Variants in CDYL observed in about 807,000 individuals in gnomAD.
CDYL encodes chromodomain Y-like protein.
A neutral mutation model predicts 47.3 loss-of-function variants in CDYL; 8 were observed. The ratio of observed to expected loss-of-function variants is 0.17; its 90% CI spans 0.10 to 0.31. The LOEUF is 0.31. Among genes scored for constraint, CDYL ranks in the 10% least tolerant of loss-of-function variants. The pLI is 1.00. For missense variants in CDYL, 471 were observed against 701.4 expected (o/e 0.67, Z 3.71); for synonymous variants, 266 against 265.0 (o/e 1.00, Z -0.04).
chr6:4,890,742 T>C (rs1447232356), intron 1 of CDYL, among the ~76,000 whole-genome samples: 2 of 152,224 alleles, frequency 1.3e-5, no homozygotes, highest in African/African-American at 4.8e-5. Context: ...TCTTAATAAT[T>C]GATAGGTGCA....
At chr6:4,852,359 C>T (rs1446138004) in intron 1 of CDYL, among the ~76,000 whole-genome samples, 2 of 148,624 alleles carry the variant, frequency 1.3e-5, no homozygotes, top group African/African-American at 5.1e-5. Context: ...TCCAATCTTC[C>T]TTCCTTCCTT....
Position 4,892,043 on chromosome 6 carries a change from T to G in CDYL, c.355T>G (p.Phe119Val). 6.2e-7 allele frequency: 1 copy of G among 1,614,000 alleles called. No homozygotes were observed. The highest frequency in any genetic ancestry group is 8.5e-7 in the Non-Finnish European group (1 of 1,179,982). Residue 119 changes from phenylalanine to valine, a missense_variant, in exon 2 of 7, where the codon TTC (phenylalanine) becomes GTC (valine). Transcript: ENST00000397588. The part of the protein sequence containing the change: ...NSQLFAASQK[F>V]RKNTAPSLSS... ...CCAGCTGTTTGCTGCCAGCCAGAAGTTCAGGAAGAACACAGCTCCATCTCT... is the reference window on the plus strand; with the variant it reads ...CCAGCTGTTTGCTGCCAGCCAGAAGGTCAGGAAGAACACAGCTCCATCTCT...
At chr6:4,891,246 A>G (rs1308880239) in intron 1 of CDYL, among the ~76,000 whole-genome samples, 2 of 152,188 alleles carry the variant, frequency 1.3e-5, no homozygotes, top group Non-Finnish European at 2.9e-5. Context: ...GATACAGATC[A>G]TATGTTTCTT....
chr6:4,707,566 C>A (rs1043119983), intron 1 of CDYL, among the ~76,000 whole-genome samples: 1 of 152,226 alleles, frequency 6.6e-6, no homozygotes, highest in African/African-American at 2.4e-5. Flanking sequence ...GCCACAGCCC[C>A]CGGCTGTCTG....
chr6:4,855,610 A>G (rs554635977), intron 1 of CDYL, among the ~76,000 whole-genome samples: 44 of 152,334 alleles, frequency 2.9e-4, no homozygotes, highest in African/African-American at 1.1e-3. Flanking sequence ...GGAATCACAA[A>G]TTCATCTGAA....
rs144541210 is a variant in CDYL at position 4,807,501 on chromosome 6, TTGTC to T, written c.24+30698_24+30701del. ...TTCTGTGGTGCTTACCTAATGGTGA[TTGTC>T]TGTTCCTTTGTTTCTTCCACATTTG... On this transcript the variant is annotated intron_variant, in intron 1 of 6. Transcript: ENST00000397588. Among the ~76,000 whole-genome samples, 71 of 152,160 alleles carry T rather than the reference TTGTC, an allele frequency of 4.7e-4. No individual in the cohort carries two copies. In the East Asian group the frequency reaches 0.013, roughly 29 times the overall value.
At chr6:4,904,275 C>T (rs550666654) in intron 2 of CDYL, among the ~76,000 whole-genome samples, 1 of 152,350 alleles carries the variant, frequency 6.6e-6, no homozygotes, top group South Asian at 2.1e-4. Context: ...TAAACTGTCT[C>T]TTTTTAAAAA....
chr6:4,912,644 T>C (rs1757446671), intron 2 of CDYL, among the ~76,000 whole-genome samples: 1 of 152,226 alleles, frequency 6.6e-6, no homozygotes, highest in South Asian at 2.1e-4. Flanking sequence ...TGAAACTACG[T>C]AATTTACAAA....
At chr6:4,834,370 A>AT (rs1217131893) in intron 1 of CDYL, among the ~76,000 whole-genome samples, 3 of 148,668 alleles carry the variant, frequency 2.0e-5, no homozygotes, top group Non-Finnish European at 4.5e-5. Context: ...TGGGTTGAAA[A>AT]TTCTTTTCTT....
At chr6:4,878,644 C>T (rs550638741) in intron 1 of CDYL, among the ~76,000 whole-genome samples, 48 of 151,764 alleles carry the variant, frequency 3.2e-4, no homozygotes, top group East Asian at 1.5e-3. Context: ...TCTTATATTT[C>T]GATATTGGTA....
chr6:4,852,607 T>TTCCTTCCTTCCTTCCAATCTTCCTTCC lies in CDYL; in HGVS notation c.25-39091_25-39090insAATCTTCCTTCCTCCTTCCTTCCTTCC, dbSNP rs1561670513. Among the ~76,000 whole-genome samples the TTCCTTCCTTCCTTCCAATCTTCCTTCC allele has an allele frequency of 8.3e-5, 12 of 144,810 alleles. 1 individual carries two copies. The highest frequency in any genetic ancestry group is 4.2e-4 in the South Asian group (2 of 4,744). On this transcript the variant is annotated intron_variant, in intron 1 of 6. Transcript: ENST00000397588. ...ATCTTCCTTCCTCCTTCCTTCCTCC[T>TTCCTTCCTTCCTTCCAATCTTCCTTCC]TCCTTCCTTCCTTCCTGTTTAGATT...
chr6:4,854,658 GGGGAAGCATGTGCCGTT>G (rs1760953042), intron 1 of CDYL, among the ~76,000 whole-genome samples: 1 of 152,210 alleles, frequency 6.6e-6, no homozygotes, highest in South Asian at 2.1e-4. Context: ...CCAAGGCTTG[GGGGAAGCATGTGCCGTT>G]GAGGGCACAC....
intron 1 of CDYL, among the ~76,000 whole-genome samples, chr6:4,823,442 C>T (rs1184663995): frequency 6.6e-6 from 1 of 152,236 alleles, no homozygotes; most frequent in African/African-American, 2.4e-5. Flanking sequence ...GCATGCCTTC[C>T]ATACTATCTG....
At chr6:4,870,692 T>TA (rs963744773) in intron 1 of CDYL, among the ~76,000 whole-genome samples, 3 of 152,220 alleles carry the variant, frequency 2.0e-5, no homozygotes, top group Admixed American at 1.3e-4. Flanking sequence ...TCGTTTTTCT[T>TA]ACATCTTTTT....
upstream of CDYL, chr6:4,773,152 T>C (rs918788905): frequency 1.1e-5 from 5 of 457,342 alleles, no homozygotes; most frequent in African/African-American, 1.0e-4. This position sits in a 1 kb window ranked among gnomAD's most constrained non-coding sequence, Gnocchi z 4.6. Flanking sequence ...TGAATTATGT[T>C]GGCCTACAAC....
intron 5 of CDYL, among the ~76,000 whole-genome samples, chr6:4,947,001 C>T (rs868308): frequency 6.6e-6 from 1 of 151,594 alleles, no homozygotes; most frequent in Admixed American, 6.6e-5. Flanking sequence ...AAATCAGTAT[C>T]GCAGGAGAGC....
At chr6:4,916,898 C>G (rs1757572217) in intron 2 of CDYL, among the ~76,000 whole-genome samples, 2 of 152,228 alleles carry the variant, frequency 1.3e-5, no homozygotes. Context: ...GCCACACCTC[C>G]ACCTCTGACA....
rs371442541 is a variant in CDYL, at chr6:4,801,080, C to T, written c.24+24273C>T. On this transcript the variant is annotated intron_variant, in intron 1 of 6. Coordinates refer to ENST00000397588, the MANE Select transcript of CDYL (RefSeq NM_004824.4). ...CTACTTATTTTTCATTCATCTCTTTCTCTTTATGTTCTTCAGATTATTCTG... is the reference window on the plus strand; with the variant it reads ...CTACTTATTTTTCATTCATCTCTTTTTCTTTATGTTCTTCAGATTATTCTG... Among the ~76,000 whole-genome samples the T allele has an allele frequency of 1.7e-4, 26 of 152,238 alleles. No homozygotes were observed. In the South Asian group the frequency reaches 5.4e-3, roughly 32 times the overall value.
intron 1 of CDYL, among the ~76,000 whole-genome samples, chr6:4,713,407 A>G (rs561543183): frequency 1.3e-5 from 2 of 152,124 alleles, no homozygotes; most frequent in African/African-American, 2.4e-5. Context: ...TGCTAAGAGA[A>G]GGCCGCTCTG....
Sources: allele counts gnomAD v4.1 joint callset (sites outside exome capture counted in the v4.1 genomes callset), GRCh38; gene constraint gnomAD v4.1.1; non-coding constraint Gnocchi (gnomAD v3.1); transcripts MANE v1.5; gene names NCBI Gene and HGNC (gene_info 2026-07-23, HGNC 2026-07-21).